Variants in MCEE observed in about 807,000 individuals in gnomAD.
The protein encoded by MCEE is methylmalonyl-CoA epimerase, mitochondrial.
A neutral mutation model predicts 12.9 loss-of-function variants in MCEE; 6 were observed. The observed-to-expected ratio is 0.47, with a 90% CI of 0.26 to 0.92. MCEE has a LOEUF of 0.92. Among genes scored for constraint, MCEE ranks in the 40% least tolerant of loss-of-function variants. The pLI, the probability that MCEE is intolerant of heterozygous loss-of-function variation, is 0.16. For synonymous variants in MCEE, 78 were observed against 77.9 expected (o/e 1.00, Z -0.01); for missense variants, 214 against 212.1 (o/e 1.01, Z -0.05).
chr2:71,123,298 C>T (rs1424647384), intron 2 of MCEE, among the ~76,000 whole-genome samples: 2 of 152,104 alleles, frequency 1.3e-5, no homozygotes, highest in Admixed American at 6.6e-5. Context: ...TTGAGACCAG[C>T]CTGACCAACA....
chr2:71,116,219 CCG>C (rs1206998628), intron 2 of MCEE, among the ~76,000 whole-genome samples: 1 of 149,468 alleles, frequency 6.7e-6, no homozygotes, highest in Non-Finnish European at 1.5e-5. Flanking sequence ...TAGTAGGTGC[CCG>C]CCACCACGCC....
At chr2:71,124,664 T>A in intron 1 of MCEE, 121 bp from the exon 2 acceptor site, 1 of 788,952 alleles carries the variant, frequency 1.3e-6, no homozygotes, top group Non-Finnish European at 2.1e-6. Context: ...CTGTTCTTTT[T>A]AATTATTGAA....
chr2:71,118,293 C>T (rs1439215508), intron 2 of MCEE: 1 of 150,574 alleles, frequency 6.6e-6, no homozygotes, highest in African/African-American at 2.5e-5. Context: ...CCCCACAGGA[C>T]CAGCCCTGGC....
intron 1 of MCEE, 129 bp downstream of exon 1, chr2:71,130,051 T>C: frequency 1.1e-6 from 1 of 924,448 alleles, no homozygotes; most frequent in Non-Finnish European, 1.7e-6. Flanking sequence ...CAGCAGCTGC[T>C]GTGGAACGCG....
intron 1 of MCEE, among the ~76,000 whole-genome samples, chr2:71,126,614 A>G (rs529972802): frequency 1.7e-4 from 26 of 149,268 alleles, no homozygotes; most frequent in African/African-American, 4.9e-4. Flanking sequence ...AAAAATCCAA[A>G]GGTGAAATTG....
intron 2 of MCEE, among the ~76,000 whole-genome samples, chr2:71,116,525 A>G (rs1365806622): frequency 1.4e-5 from 2 of 143,906 alleles, no homozygotes; most frequent in African/African-American, 2.7e-5. Flanking sequence ...AAATGTTTGG[A>G]TTGTCACAAT....
At chr2:71,120,764 G>A (rs1384661795) in intron 2 of MCEE, among the ~76,000 whole-genome samples, 3 of 150,388 alleles carry the variant, frequency 2.0e-5, no homozygotes, top group Non-Finnish European at 4.4e-5. Flanking sequence ...CTGAGATGGA[G>A]TCTTGCTCTG....
chr2:71,109,978 G>T lies in MCEE; in HGVS notation c.523C>A (p.Gln175Lys). Residue 175 changes from glutamine (Q) to lysine (K), a missense_variant, in exon 3 of 3, where the codon CAA (glutamine) becomes AAA (lysine). Transcript: ENST00000244217. Reference sequence around the variant, plus strand: ...TTGCTTGCAAATATAAATCAAGCTTGCTCCAGTTCCACAAGGACTCCACCA... The same window carrying T: ...TTGCTTGCAAATATAAATCAAGCTTTCTCCAGTTCCACAAGGACTCCACCA... Reference protein sequence around the residue: ...DCGGVLVELEQA With the variant: ...DCGGVLVELEKA 6.2e-7 allele frequency: 1 copy of T among 1,613,496 alleles called. No homozygotes were observed. The highest frequency in any genetic ancestry group is 8.5e-7 in the Non-Finnish European group (1 of 1,179,802).
intron 1 of MCEE, among the ~76,000 whole-genome samples, chr2:71,127,496 C>T (rs1465086609): frequency 2.0e-5 from 3 of 152,190 alleles, no homozygotes; most frequent in South Asian, 4.1e-4. Flanking sequence ...ACAGCTTTAT[C>T]TCTTAATAGT....
At chr2:71,122,960 T>G (rs905141625) in intron 2 of MCEE, among the ~76,000 whole-genome samples, 1 of 152,246 alleles carries the variant, frequency 6.6e-6, no homozygotes, top group Non-Finnish European at 1.5e-5. Flanking sequence ...ATCAATCTCC[T>G]TCATCTGTGC....
At chr2:71,121,047 T>G (rs2103631938) in intron 2 of MCEE, among the ~76,000 whole-genome samples, 1 of 152,246 alleles carries the variant, frequency 6.6e-6, no homozygotes, top group East Asian at 1.9e-4. Context: ...ACACCACTTT[T>G]TAAAAATCAC....
chr2:71,125,206 TA>T (rs1183821762), intron 1 of MCEE, among the ~76,000 whole-genome samples: 36 of 67,072 alleles, frequency 5.4e-4, no homozygotes, highest in East Asian at 2.3e-3. Context: ...TATATATATA[TA>T]TATATTTTTT....
chr2:71,125,380 T>C (rs1673206728), intron 1 of MCEE, among the ~76,000 whole-genome samples: 1 of 151,410 alleles, frequency 6.6e-6, no homozygotes, highest in Admixed American at 6.6e-5. Context: ...GCTAATGTTG[T>C]ATTTTTAGTA....
chr2:71,127,734 C>A (rs993711955), intron 1 of MCEE, among the ~76,000 whole-genome samples: 3 of 152,212 alleles, frequency 2.0e-5, no homozygotes, highest in African/African-American at 7.2e-5. Context: ...TCAAGCAATT[C>A]TCCTGCCTCA....
Position 71,124,231 on chromosome 2 carries a change from C to G in MCEE, c.353G>C (p.Gly118Ala). 6.2e-7 allele frequency: 1 copy of G among 1,613,808 alleles called. No homozygotes were observed. The highest frequency in any genetic ancestry group is 1.1e-5 in the South Asian group (1 of 91,072). Residue 118 changes from glycine to alanine, a missense_variant, in exon 2 of 3, where the codon GGA (glycine) becomes GCA (alanine). Transcript: ENST00000244217. Reference sequence around the variant, plus strand: ...CTCGATGCAGATGTGATGCATTCCTCCAGCCTTGTTTTTCTGCAGAAAACC... The same window carrying G: ...CTCGATGCAGATGTGATGCATTCCTGCAGCCTTGTTTTTCTGCAGAAAACC... ...IAGFLQKNKAGGMHHICIEVD... is the reference protein window; with the variant it reads ...IAGFLQKNKAAGMHHICIEVD...
intron 2 of MCEE, among the ~76,000 whole-genome samples, chr2:71,112,432 C>CTTT (rs1672905316): frequency 1.6e-5 from 1 of 61,474 alleles, no homozygotes; most frequent in African/African-American, 6.8e-5. Context: ...ACTGCACCTG[C>CTTT]CTTTTTTTTT....
At chr2:71,127,180 G>T (rs1673251703) in intron 1 of MCEE, among the ~76,000 whole-genome samples, 1 of 152,234 alleles carries the variant, frequency 6.6e-6, no homozygotes, top group African/African-American at 2.4e-5. Flanking sequence ...CAGGAAGCTG[G>T]TATACAAGTA....
At position 71,124,532 on chromosome 2, in the gene MCEE, T is replaced by C. The variant is rs751924870; in HGVS notation, c.52A>G (p.Arg18Gly). The C allele has an allele frequency of 6.2e-7, 1 of 1,613,796 alleles. No individual in the cohort carries two copies. Among genetic ancestry groups the C allele is most frequent in the Non-Finnish European group, 8.5e-7 (1 of 1,179,948 alleles). Reference sequence around the variant, plus strand: ...ACTGTTGGAATGGGAGCTTGAAGTCTGGAAAAAAGCCCTGAAAAATTGAAC... The same window carrying C: ...ACTGTTGGAATGGGAGCTTGAAGTCCGGAAAAAAGCCCTGAAAAATTGAAC... The part of the protein sequence containing the change: ...AAANAVGLFS[R>G]LQAPIPTVRA... The change falls in exon 2 of 3, where the codon AGA (arginine) becomes GGA (glycine). Residue 18 changes from arginine to glycine, a missense_variant. Arg to Gly is a moderately radical substitution (Grantham distance 125, BLOSUM62 -2). Transcript: ENST00000244217.
At chr2:71,112,725 T>C (rs72837605) in intron 2 of MCEE, among the ~76,000 whole-genome samples, 40,815 of 152,216 alleles carry the variant, frequency 0.27, 6,857 homozygotes, top group Middle Eastern at 0.37. Flanking sequence ...CGTGAGCCAC[T>C]GTTGCCCGGC....
Sources: gnomAD v4.1 joint callset for allele counts (sites outside exome capture counted in the v4.1 genomes callset) on GRCh38, gnomAD v4.1.1 for gene constraint, MANE v1.5 for transcripts, NCBI Gene and HGNC (gene_info 2026-07-23, HGNC 2026-07-21) for gene names.